Variants in VEPH1 observed in about 807,000 individuals in gnomAD.
VEPH1 encodes the protein ventricular zone-expressed PH domain-containing protein homolog 1.
In VEPH1, 80 loss-of-function variants were observed where a neutral mutation model predicts 85.2. The ratio of observed to expected loss-of-function variants is 0.94; its 90% CI spans 0.78 to 1.13. The LOEUF is 1.13. VEPH1 is among the 50% of genes most tolerant of loss of function. The pLI, the probability that VEPH1 is intolerant of heterozygous loss-of-function variation, is 0.00. For missense variants in VEPH1, 955 were observed against 980.5 expected (o/e 0.97, Z 0.35); for synonymous variants, 297 against 348.0 (o/e 0.85, Z 1.63).
At chr3:157,290,094 G>A (rs1340716059) in intron 11 of VEPH1, among the ~76,000 whole-genome samples, 1 of 150,244 alleles carries the variant, frequency 6.7e-6, no homozygotes, top group Non-Finnish European at 1.5e-5. Flanking sequence ...TGTCTTGCTA[G>A]CAGATGCATA....
intron 11 of VEPH1, among the ~76,000 whole-genome samples, chr3:157,295,348 C>G (rs1224783331): frequency 2.0e-5 from 3 of 152,004 alleles, no homozygotes; most frequent in Non-Finnish European, 2.9e-5. Flanking sequence ...AGAAGGATCA[C>G]TTAAACCCAG....
At chr3:157,307,749 A>C (rs1335459700) in intron 11 of VEPH1, among the ~76,000 whole-genome samples, 1 of 151,908 alleles carries the variant, frequency 6.6e-6, no homozygotes, top group Admixed American at 6.6e-5. Flanking sequence ...TGTTGTCATT[A>C]GGATTGGTTA....
chr3:157,333,020 A>G (rs939737154), intron 9 of VEPH1, among the ~76,000 whole-genome samples: 5 of 152,214 alleles, frequency 3.3e-5, no homozygotes, highest in African/African-American at 1.2e-4. Flanking sequence ...CTGACTGCTT[A>G]CAATTACAGA....
intron 6 of VEPH1, among the ~76,000 whole-genome samples, chr3:157,404,346 AT>A (rs1424310996): frequency 6.6e-6 from 1 of 152,146 alleles, no homozygotes; most frequent in Non-Finnish European, 1.5e-5. Context: ...TGAAAAGCAA[AT>A]GCAACCAGAA....
intron 9 of VEPH1, among the ~76,000 whole-genome samples, chr3:157,339,462 C>T (rs560367861): frequency 2.0e-5 from 3 of 152,336 alleles, no homozygotes; most frequent in African/African-American, 7.2e-5. Flanking sequence ...TCCTGTTCCT[C>T]ACCCTGTGCT....
intron 4 of VEPH1, among the ~76,000 whole-genome samples, chr3:157,451,226 T>TTG (rs1283325069): frequency 6.6e-6 from 1 of 152,232 alleles, no homozygotes; most frequent in African/African-American, 2.4e-5. Flanking sequence ...TTTAATTTTT[T>TTG]TGTGTGTGAG....
chr3:157,467,978 C>G (rs1406697735), intron 3 of VEPH1, among the ~76,000 whole-genome samples: 1 of 152,208 alleles, frequency 6.6e-6, no homozygotes, highest in Admixed American at 6.5e-5. Flanking sequence ...GTAGGAGACA[C>G]AATGCTTTAC....
At chr3:157,477,369 C>A (rs772445057) in intron 2 of VEPH1, among the ~76,000 whole-genome samples, 12 of 152,038 alleles carry the variant, frequency 7.9e-5, no homozygotes, top group Admixed American at 6.6e-5. Flanking sequence ...ATTGGGCCCA[C>A]CCACATAATC....
At chr3:157,470,757 AG>A (rs1278505145) in intron 2 of VEPH1, among the ~76,000 whole-genome samples, 2 of 152,178 alleles carry the variant, frequency 1.3e-5, no homozygotes, top group Non-Finnish European at 2.9e-5. Flanking sequence ...TATCACCCTT[AG>A]ACAGGGATCC....
chr3:157,302,140 T>C (rs1379811427), intron 11 of VEPH1, among the ~76,000 whole-genome samples: 1 of 152,222 alleles, frequency 6.6e-6, no homozygotes, highest in Non-Finnish European at 1.5e-5. Context: ...TAGTTTGTTA[T>C]GTCACTTTTA....
At chr3:157,417,692 C>G (rs770798613) in intron 5 of VEPH1, among the ~76,000 whole-genome samples, 1 of 152,074 alleles carries the variant, frequency 6.6e-6, no homozygotes, top group Non-Finnish European at 1.5e-5. Context: ...CTTTCAAATT[C>G]GATCTCAAAT....
At chr3:157,424,458 T>C (rs573587826) in intron 5 of VEPH1, among the ~76,000 whole-genome samples, 2 of 151,924 alleles carry the variant, frequency 1.3e-5, no homozygotes, top group Non-Finnish European at 2.9e-5. Flanking sequence ...CAGGCAGAGG[T>C]TGGAACAGTT....
intron 9 of VEPH1, among the ~76,000 whole-genome samples, chr3:157,342,205 G>C: frequency 6.6e-6 from 1 of 152,146 alleles, no homozygotes; most frequent in Non-Finnish European, 1.5e-5. Flanking sequence ...TGGGCTAAAT[G>C]TTCCAATTAA....
intron 9 of VEPH1, among the ~76,000 whole-genome samples, chr3:157,331,449 C>T (rs577683225): frequency 6.6e-6 from 1 of 152,344 alleles, no homozygotes; most frequent in South Asian, 2.1e-4. Flanking sequence ...CCCATGCATG[C>T]CTTGTGGCCA....
rs971983471 is a variant in VEPH1 at position 157,435,930 on chromosome 3, C to CT, written c.530-7443dup. On this transcript the variant is annotated intron_variant, in intron 4 of 13. Coordinates refer to ENST00000362010, the MANE Select transcript of VEPH1 (RefSeq NM_001167912.2). The stretch of plus-strand genomic sequence containing the variant: ...CCTAAATAACTAAATAAGTATATTC[C>CT]TTTTTTCCCCCAGCTTTTTTTCCCC... Among the ~76,000 whole-genome samples, 8 of 152,138 alleles carry CT rather than the reference C, an allele frequency of 5.3e-5. No individual in the cohort carries two copies. In the East Asian group the frequency reaches 1.2e-3, roughly 22 times the overall value.
chr3:157,497,780 C>T (rs969494559), intron 1 of VEPH1, among the ~76,000 whole-genome samples: 4 of 152,198 alleles, frequency 2.6e-5, no homozygotes, highest in African/African-American at 9.7e-5. Flanking sequence ...ATGCTGCCAA[C>T]TTCAGCTCTT....
chr3:157,442,644 T>G (rs1734219474), intron 4 of VEPH1: 3 of 1,614,110 alleles, frequency 1.9e-6, no homozygotes, highest in Admixed American at 1.7e-5. Flanking sequence ...GACCCACCTG[T>G]GCGGCACCTG....
chr3:157,456,959 T>A (rs767351155), intron 4 of VEPH1, among the ~76,000 whole-genome samples: 3 of 152,220 alleles, frequency 2.0e-5, no homozygotes, highest in Non-Finnish European at 4.4e-5. Flanking sequence ...TAAATTACTT[T>A]GGGCAGCATG....
intron 11 of VEPH1, among the ~76,000 whole-genome samples, chr3:157,306,910 G>A (rs188346744): frequency 6.6e-6 from 1 of 152,010 alleles, no homozygotes; most frequent in Admixed American, 6.5e-5. Flanking sequence ...CATACTCATA[G>A]CTTAGCTCCC....
Sources: allele counts gnomAD v4.1 joint callset (sites outside exome capture counted in the v4.1 genomes callset), GRCh38; gene constraint gnomAD v4.1.1; transcripts MANE v1.5; gene names NCBI Gene and HGNC (gene_info 2026-07-23, HGNC 2026-07-21).